Variants in PSMD11 observed in about 807,000 individuals in gnomAD.
PSMD11 encodes the protein proteasome 26S subunit, non-ATPase 11.
PSMD11 carries 5 observed loss-of-function variants against 62.3 expected under a neutral mutation model. The observed-to-expected ratio is 0.08, with a 90% CI of 0.04 to 0.17. PSMD11 has a LOEUF of 0.17. PSMD11 is among the 10% of genes least tolerant of loss of function. PSMD11 has a pLI of 1.00. For missense variants in PSMD11, 310 were observed against 512.9 expected (o/e 0.60, Z 3.82); for synonymous variants, 191 against 191.8 (o/e 1.00, Z 0.03).
chr17:32,473,664 C>A, intron 6 of PSMD11, 137 bp from the exon 7 acceptor site: 1 of 779,426 alleles, frequency 1.3e-6, no homozygotes, highest in Non-Finnish European at 2.0e-6. Flanking sequence ...ATCCTCCCAT[C>A]TCAGCCTCCC....
In PSMD11 at chr17:32,448,267, T is replaced by C. The variant is rs559078990; in HGVS notation, c.193+1221T>C. ...ATAAAGATGTATGAAATTGTGAGGA[T>C]GTGTTTACATGGGCCTTATATCTTA... On this transcript the variant is annotated intron_variant, in intron 2 of 13. Transcript: ENST00000261712. 2.0e-5 allele frequency among the ~76,000 whole-genome samples: 3 copies of C among 152,284 alleles called. No homozygotes were observed. In the South Asian group the frequency reaches 6.2e-4, roughly 32 times the overall value.
chr17:32,479,477 C>A, intron 10 of PSMD11, 101 bp downstream of exon 10: 1 of 1,477,054 alleles, frequency 6.8e-7, no homozygotes, highest in Non-Finnish European at 9.1e-7. Flanking sequence ...TAGGGGTGTG[C>A]CTGGTGGGCA....
At chr17:32,461,416 C>A (rs564183211) in intron 3 of PSMD11, among the ~76,000 whole-genome samples, 1 of 151,832 alleles carries the variant, frequency 6.6e-6, no homozygotes, top group East Asian at 1.9e-4. Context: ...ACTAAAAATA[C>A]GAAAGTTAGC....
intron 3 of PSMD11, chr17:32,463,592 C>T (rs1336088014): frequency 1.9e-5 from 3 of 158,968 alleles, no homozygotes; most frequent in African/African-American, 7.2e-5. Flanking sequence ...CCAGCTGGAC[C>T]TTTTGAGTCT....
intron 1 of PSMD11, 120 bp from the exon 2 acceptor site, chr17:32,446,825 C>A (rs1378071302): frequency 1.0e-3 from 275 of 273,608 alleles, no homozygotes; most frequent in East Asian, 1.3e-3. Context: ...TTTTTTAACT[C>A]TAGAATTTGT....
At chr17:32,477,034 T>G (rs1333339191) in intron 8 of PSMD11, 1 of 152,704 alleles carries the variant, frequency 6.5e-6, no homozygotes, top group Non-Finnish European at 1.5e-5. Context: ...ATTACAGGTG[T>G]GAGCCACTGT....
intron 2 of PSMD11, 63 bp from the exon 3 acceptor site, chr17:32,454,432 T>G: frequency 6.3e-7 from 1 of 1,576,764 alleles, no homozygotes; most frequent in Non-Finnish European, 8.7e-7. Flanking sequence ...GTCAGTTTCT[T>G]AAGTGGGTAT....
chr17:32,477,463 TG>T, intron 8 of PSMD11, 57 bp from the exon 9 acceptor site: 1 of 1,438,240 alleles, frequency 7.0e-7, no homozygotes, highest in Non-Finnish European at 9.6e-7. Context: ...TTATGAGACT[TG>T]GGTAAATGTT....
intron 3 of PSMD11, among the ~76,000 whole-genome samples, chr17:32,460,168 C>G (rs1048449009): frequency 6.6e-6 from 1 of 152,134 alleles, no homozygotes; most frequent in Non-Finnish European, 1.5e-5. Context: ...AAGCATTTCT[C>G]CTGCCTCAGC....
At chr17:32,470,770 TG>T (rs981476186) in intron 6 of PSMD11, among the ~76,000 whole-genome samples, 10 of 152,224 alleles carry the variant, frequency 6.6e-5, no homozygotes, top group Non-Finnish European at 1.2e-4. Context: ...CTGGGAGATG[TG>T]GAAAAATGGA....
chr17:32,462,467 A>T (rs1907870426), intron 3 of PSMD11, among the ~76,000 whole-genome samples: 1 of 152,076 alleles, frequency 6.6e-6, no homozygotes, highest in Non-Finnish European at 1.5e-5. Context: ...GGTAATTTTT[A>T]TGAGGTCAGT....
intron 1 of PSMD11, chr17:32,444,822 C>A: frequency 3.4e-6 from 2 of 594,354 alleles, no homozygotes; most frequent in Non-Finnish European, 5.7e-6. Flanking sequence ...ATCCCCGGGT[C>A]CCCTCGCCGG....
intron 3 of PSMD11, among the ~76,000 whole-genome samples, chr17:32,458,632 T>G (rs1452694247): frequency 6.6e-6 from 1 of 152,238 alleles, no homozygotes; most frequent in Non-Finnish European, 1.5e-5. Context: ...ACTATGTGCC[T>G]TGCAGTACCA....
chr17:32,455,764 A>G (rs1907630479), intron 3 of PSMD11, among the ~76,000 whole-genome samples: 1 of 152,218 alleles, frequency 6.6e-6, no homozygotes, highest in Non-Finnish European at 1.5e-5. Context: ...GCTATTTTGA[A>G]TTAAAGTGTC....
intron 2 of PSMD11, 129 bp from the exon 3 acceptor site, chr17:32,454,366 G>A: frequency 1.1e-6 from 1 of 900,130 alleles, no homozygotes; most frequent in Non-Finnish European, 1.7e-6. Context: ...TAAACTCCTA[G>A]TAAGTTTCAC....
intron 1 of PSMD11, 138 bp from the exon 2 acceptor site, chr17:32,446,807 T>C: frequency 2.3e-6 from 1 of 433,506 alleles, no homozygotes; most frequent in Non-Finnish European, 4.0e-6. Context: ...GCTTAGAGTT[T>C]TTTTTTTTTT....
chr17:32,446,820 TAACTC>T, intron 1 of PSMD11, 120 bp from the exon 2 acceptor site: 2 of 471,000 alleles, frequency 4.2e-6, no homozygotes, highest in Non-Finnish European at 3.7e-6. Flanking sequence ...TTTTTTTTTT[TAACTC>T]TAGAATTTGT....
intron 1 of PSMD11, chr17:32,444,960 G>T: frequency 2.6e-6 from 1 of 386,404 alleles, no homozygotes; most frequent in Non-Finnish European, 4.7e-6. Context: ...AGCAGTGCCG[G>T]CCGGCGTGCT....
At chr17:32,479,934 G>A (rs774986217) in intron 11 of PSMD11, 48 bp downstream of exon 11, 2 of 1,591,246 alleles carry the variant, frequency 1.3e-6, no homozygotes, top group East Asian at 2.2e-5. Flanking sequence ...ACGGGGTGGC[G>A]AGGAGGGGTG....
Sources: gnomAD v4.1 joint callset for allele counts (sites outside exome capture counted in the v4.1 genomes callset) on GRCh38, gnomAD v4.1.1 for gene constraint, MANE v1.5 for transcripts, NCBI Gene and HGNC (gene_info 2026-07-23, HGNC 2026-07-21) for gene names.